APBA1: variants seen among roughly 807,000 people sequenced by gnomAD.
APBA1 encodes the protein amyloid beta precursor protein binding family A member 1, also known as amyloid-beta A4 precursor protein-binding family A member 1.
A neutral mutation model predicts 86.6 loss-of-function variants in APBA1; 55 were observed. The ratio of observed to expected loss-of-function variants is 0.64; its 90% CI spans 0.51 to 0.80. The LOEUF (loss-of-function observed/expected upper bound fraction) is 0.80, where lower values mean the gene tolerates loss of function less well. Ranked by LOEUF, APBA1 falls within the 30% of genes least tolerant of loss-of-function variation. The pLI, the probability that APBA1 is intolerant of heterozygous loss-of-function variation, is 0.00. For synonymous variants in APBA1, 511 were observed against 493.9 expected, an observed-to-expected ratio of 1.03 and a Z score of -0.46; for missense variants, 1,090 against 1,183.0, an observed-to-expected ratio of 0.92 and a Z score of 1.15.
In APBA1 at chr9:69,516,621, A is replaced by G. The variant is rs1193295852; in HGVS notation, c.590T>C (p.Val197Ala). Residue 197 changes from valine (V) to alanine (A), a missense_variant, in exon 2 of 13, where the codon GTG becomes GCG. By Grantham distance (64) the Val-to-Ala change is moderately conservative (BLOSUM62 0). This residue lies in a region of APBA1 where 678 missense variants were observed against 647.1 expected (regional missense o/e 1.05). Coordinates refer to ENST00000265381, the MANE Select transcript of APBA1 (RefSeq NM_001163.4). This position sits in a 1 kb window ranked among gnomAD's most constrained non-coding sequence, Gnocchi z 7.3. ...YADYGGLQEH[V>A]YEEIGDAPEL... ...GGGCGCGTCCCCTATCTCCTCGTACACGTGCTCCTGGAGGCCGCCGTAGTC... is the reference window on the plus strand; with the variant it reads ...GGGCGCGTCCCCTATCTCCTCGTACGCGTGCTCCTGGAGGCCGCCGTAGTC... The G allele has an allele frequency of 6.2e-7, 1 of 1,606,898 alleles. No homozygotes were observed. The highest frequency in any genetic ancestry group is 8.5e-7 in the Non-Finnish European group (1 of 1,179,152).
intron 5 of APBA1, chr9:69,463,277 A>G (rs1835220728): frequency 2.0e-5 from 2 of 102,060 alleles, no homozygotes; most frequent in African/African-American, 1.3e-4. Context: ...AGAACTGTGT[A>G]TTGGTTAAAT....
chr9:69,502,111 G>A (rs1454718687), intron 2 of APBA1, among the ~76,000 whole-genome samples: 3 of 151,982 alleles, frequency 2.0e-5, no homozygotes, highest in African/African-American at 7.3e-5. Flanking sequence ...GTCAGGCAAA[G>A]TGAAAAAAAT....
chr9:69,557,352 T>C (rs1177892532), intron 1 of APBA1, among the ~76,000 whole-genome samples: 1 of 152,208 alleles, frequency 6.6e-6, no homozygotes, highest in Admixed American at 6.5e-5. Context: ...GAAAATTATT[T>C]CATCCATTTT....
At chr9:69,573,210 A>C (rs969938536) in intron 1 of APBA1, among the ~76,000 whole-genome samples, 1 of 152,156 alleles carries the variant, frequency 6.6e-6, no homozygotes, top group Non-Finnish European at 1.5e-5. Context: ...GGCTGGGCGC[A>C]GTGGCTCCTG....
chr9:69,640,958 A>AAGAGAG (rs142050871), intron 1 of APBA1, among the ~76,000 whole-genome samples: 3 of 149,516 alleles, frequency 2.0e-5, no homozygotes, highest in Non-Finnish European at 4.5e-5. Flanking sequence ...GAGAAAGAGA[A>AAGAGAG]AGAGAGAGAG....
intron 1 of APBA1, among the ~76,000 whole-genome samples, chr9:69,547,261 T>A (rs1214471150): frequency 6.6e-6 from 1 of 152,190 alleles, no homozygotes; most frequent in African/African-American, 2.4e-5. Context: ...AACTCAGCTC[T>A]TTCCAGCTCT....
At chr9:69,441,859 G>A (rs1489211357) in intron 10 of APBA1, among the ~76,000 whole-genome samples, 8 of 152,298 alleles carry the variant, frequency 5.3e-5, no homozygotes, top group South Asian at 2.1e-4. Context: ...GCTGATCTTC[G>A]ACTATAAAAA....
intron 10 of APBA1, among the ~76,000 whole-genome samples, chr9:69,441,814 T>C (rs931523916): frequency 9.9e-5 from 15 of 152,166 alleles, no homozygotes; most frequent in African/African-American, 3.6e-4. Flanking sequence ...ATGACACACC[T>C]CTCCCTCTAA....
chr9:69,571,973 C>G (rs1292506055), intron 1 of APBA1, among the ~76,000 whole-genome samples: 1 of 152,202 alleles, frequency 6.6e-6, no homozygotes, highest in Admixed American at 6.5e-5. Flanking sequence ...TCCTGCTTTA[C>G]CACTGCTTCA....
At chr9:69,467,766 C>T (rs192740146) in intron 5 of APBA1, 57 bp downstream of exon 5, 2 of 1,604,474 alleles carry the variant, frequency 1.2e-6, no homozygotes, top group African/African-American at 1.3e-5. Context: ...GTGTTGTAGA[C>T]TGCTCCAGTG....
intron 1 of APBA1, among the ~76,000 whole-genome samples, chr9:69,665,116 C>A (rs1404323394): frequency 6.6e-6 from 1 of 152,196 alleles, no homozygotes; most frequent in Non-Finnish European, 1.5e-5. Flanking sequence ...CTAATCTTAG[C>A]AGCCCTAAAG....
intron 1 of APBA1, among the ~76,000 whole-genome samples, chr9:69,574,382 C>T (rs1325093777): frequency 6.6e-6 from 1 of 152,156 alleles, no homozygotes; most frequent in Non-Finnish European, 1.5e-5. Context: ...CTTCTGTGGA[C>T]CTTTCTTCGC....
intron 2 of APBA1, among the ~76,000 whole-genome samples, chr9:69,499,494 AACAAGAATCCTTC>A (rs1040737989): frequency 1.3e-5 from 2 of 152,130 alleles, no homozygotes; most frequent in African/African-American, 4.8e-5. Flanking sequence ...AGAATACCTT[AACAAGAATCCTTC>A]ACAAAAAATG....
At chr9:69,615,156 C>G (rs997959437) in intron 1 of APBA1, among the ~76,000 whole-genome samples, 1 of 152,206 alleles carries the variant, frequency 6.6e-6, no homozygotes, top group Non-Finnish European at 1.5e-5. Context: ...GCCGAGATCA[C>G]GCCACTGCGT....
At chr9:69,561,448 T>A (rs1836944221) in intron 1 of APBA1, among the ~76,000 whole-genome samples, 1 of 152,206 alleles carries the variant, frequency 6.6e-6, no homozygotes, top group Non-Finnish European at 1.5e-5. Context: ...GTAGCTTGGA[T>A]GCTGGGGGCC....
intron 4 of APBA1, 36 bp from the exon 5 acceptor site, chr9:69,468,004 T>C (rs1835308692): frequency 6.2e-7 from 1 of 1,604,658 alleles, no homozygotes; most frequent in Admixed American, 1.7e-5. Flanking sequence ...GAAGCCATCC[T>C]GGGGTGGGGC....
At chr9:69,531,500 T>A (rs143057181) in intron 1 of APBA1, among the ~76,000 whole-genome samples, 264 of 152,240 alleles carry the variant, frequency 1.7e-3, no homozygotes, top group African/African-American at 5.9e-3. Flanking sequence ...TAATTTCAGG[T>A]CTCAATGGGC....
At chr9:69,469,611 T>C (rs1294102113) in intron 4 of APBA1, among the ~76,000 whole-genome samples, 1 of 152,232 alleles carries the variant, frequency 6.6e-6, no homozygotes, top group Non-Finnish European at 1.5e-5. Flanking sequence ...ATTCACACTC[T>C]ACTCAACAGC....
chr9:69,465,757 G>T (rs1057015016), intron 5 of APBA1, among the ~76,000 whole-genome samples: 1 of 152,236 alleles, frequency 6.6e-6, no homozygotes, highest in Non-Finnish European at 1.5e-5. Context: ...TCTTTGGGTA[G>T]GGGGTGGGGC....
Sources: gnomAD v4.1 joint callset for allele counts (sites outside exome capture counted in the v4.1 genomes callset) on GRCh38, gnomAD v4.1.1 for gene constraint, gnomAD v4.1.1 regional missense constraint, Gnocchi (gnomAD v3.1) non-coding constraint, MANE v1.5 for transcripts, NCBI Gene and HGNC (gene_info 2026-07-23, HGNC 2026-07-21) for gene names.